Variants in WWOX observed in about 807,000 individuals in gnomAD.
WWOX encodes WW domain containing oxidoreductase, also known as WW domain-containing oxidoreductase.
WWOX carries 69 observed loss-of-function variants against 46.2 expected under a neutral mutation model. The observed-to-expected ratio is 1.49, with a 90% CI of 1.23 to 1.82. The LOEUF is 1.82. WWOX is among the 40% of genes most tolerant of loss of function. WWOX has a pLI of 0.00. For synonymous variants in WWOX, 359 were observed against 202.6 expected (o/e 1.77, Z -6.56); for missense variants, 919 against 542.6 (o/e 1.69, Z -6.89).
At chr16:78,965,793 T>A (rs1311554199) in intron 8 of WWOX, among the ~76,000 whole-genome samples, 1 of 152,226 alleles carries the variant, frequency 6.6e-6, no homozygotes, top group Non-Finnish European at 1.5e-5. Flanking sequence ...CTCAGTGATG[T>A]TATAATATCT....
intron 8 of WWOX, among the ~76,000 whole-genome samples, chr16:78,771,917 A>G (rs1042120587): frequency 1.3e-5 from 2 of 152,256 alleles, no homozygotes; most frequent in South Asian, 2.1e-4. Context: ...TTGTACTACA[A>G]TAAAAACCAT....
intron 8 of WWOX, among the ~76,000 whole-genome samples, chr16:78,582,519 G>A (rs191773091): frequency 1.2e-3 from 187 of 152,234 alleles, no homozygotes; most frequent in Non-Finnish European, 2.1e-3. Context: ...TAAAAATTCG[G>A]ATGCATTTTG....
intron 8 of WWOX, among the ~76,000 whole-genome samples, chr16:78,781,072 C>T (rs1261619486): frequency 6.6e-6 from 1 of 152,118 alleles, no homozygotes; most frequent in Non-Finnish European, 1.5e-5. Context: ...AAACAGAAGC[C>T]TCCTAATTAC....
chr16:79,085,775 G>C (rs964247181), intron 8 of WWOX, among the ~76,000 whole-genome samples: 1 of 152,162 alleles, frequency 6.6e-6, no homozygotes, highest in African/African-American at 2.4e-5. Flanking sequence ...GCCAGGCATA[G>C]TGGCTCACAC....
chr16:79,211,732 C>G lies in WWOX; in HGVS notation c.1181C>G (p.Ala394Gly). 6.2e-7 allele frequency: 1 copy of G among 1,614,218 alleles called. No homozygotes were observed. Among genetic ancestry groups the G allele is most frequent in the South Asian group, 1.1e-5 (1 of 91,084 alleles). Residue 394 changes from alanine (A) to glycine (G), a missense_variant, in exon 9 of 9, where the codon GCC (alanine) becomes GGC (glycine). Ala to Gly is a moderately conservative substitution (Grantham distance 60, BLOSUM62 0). Transcript: ENST00000566780. Reference sequence around the variant, plus strand: ...CCAGAAGCTCAGAGCGAAGAGACGGCCCGGACCCTGTGGGCGCTCAGCGAG... The same window carrying G: ...CCAGAAGCTCAGAGCGAAGAGACGGGCCGGACCCTGTGGGCGCTCAGCGAG... ...PSPEAQSEET[A>G]RTLWALSERL...
In WWOX at chr16:78,601,089, C is replaced by T. The variant is rs550518475; in HGVS notation, c.1056+168337C>T. ...AAATACCCTGATTTTATGTGTCAGG[C>T]CTTCAGGACTCAGGGTGTATAAGTG... is the stretch of plus-strand genomic sequence containing the variant. On this transcript the variant is annotated intron_variant, in intron 8 of 8. Coordinates refer to ENST00000566780, the MANE Select transcript of WWOX (RefSeq NM_016373.4). 3.9e-5 allele frequency among the ~76,000 whole-genome samples: 6 copies of T among 152,286 alleles called. No homozygotes were observed. In the South Asian group the frequency reaches 1.2e-3, roughly 32 times the overall value.
chr16:78,964,128 T>C (rs940238865), intron 8 of WWOX, among the ~76,000 whole-genome samples: 3 of 152,190 alleles, frequency 2.0e-5, no homozygotes, highest in African/African-American at 7.2e-5. Flanking sequence ...ATACAGTGAA[T>C]TGGTACCAGT....
chr16:78,573,163 G>A (rs150980974), intron 8 of WWOX, among the ~76,000 whole-genome samples: 6,177 of 152,196 alleles, frequency 0.041, 154 homozygotes, highest in African/African-American at 0.068. Context: ...CGGGGTGCCT[G>A]TAGTCCCAGC....
At chr16:78,476,881 A>G (rs905721537) in intron 8 of WWOX, among the ~76,000 whole-genome samples, 4 of 151,564 alleles carry the variant, frequency 2.6e-5, no homozygotes, top group African/African-American at 9.7e-5. Context: ...CTGATTTCCC[A>G]TCTTCTTCCT....
chr16:78,300,755 T>C (rs1258855163), intron 5 of WWOX, among the ~76,000 whole-genome samples: 1 of 152,190 alleles, frequency 6.6e-6, no homozygotes, highest in Non-Finnish European at 1.5e-5. Context: ...AATATTATGA[T>C]TGGAAACTAT....
intron 8 of WWOX, chr16:78,526,589 C>T (rs979099941): frequency 1.3e-5 from 2 of 152,210 alleles, no homozygotes; most frequent in Non-Finnish European, 2.9e-5. Context: ...ATTGGATCCT[C>T]TGCTCTAGGA....
chr16:79,064,851 A>G (rs780007800), intron 8 of WWOX, among the ~76,000 whole-genome samples: 11 of 152,196 alleles, frequency 7.2e-5, no homozygotes, highest in Non-Finnish European at 1.6e-4. Flanking sequence ...TGGCATTCTA[A>G]TGTTGTGTTG....
chr16:78,455,964 C>T (rs1267754122), intron 8 of WWOX, among the ~76,000 whole-genome samples: 2 of 152,188 alleles, frequency 1.3e-5, no homozygotes, highest in Non-Finnish European at 2.9e-5. Flanking sequence ...CATAGGCCGG[C>T]AGTGGCTATA....
intron 8 of WWOX, among the ~76,000 whole-genome samples, chr16:78,966,238 A>T (rs892136101): frequency 6.6e-6 from 1 of 152,224 alleles, no homozygotes; most frequent in African/African-American, 2.4e-5. Context: ...CTGGTTTAAG[A>T]GGCTATAGGT....
chr16:78,936,119 T>C (rs1188513528), intron 8 of WWOX, among the ~76,000 whole-genome samples: 1 of 151,900 alleles, frequency 6.6e-6, no homozygotes, highest in African/African-American at 2.4e-5. Context: ...GAGGTAATGA[T>C]GAGTTTTGGT....
At chr16:79,131,029 A>G (rs2049867246) in intron 8 of WWOX, among the ~76,000 whole-genome samples, 1 of 152,218 alleles carries the variant, frequency 6.6e-6, no homozygotes, top group African/African-American at 2.4e-5. Flanking sequence ...GTTATATCAC[A>G]ACCAGAACAC....
At chr16:79,151,403 G>C (rs1432486989) in intron 8 of WWOX, among the ~76,000 whole-genome samples, 1 of 152,192 alleles carries the variant, frequency 6.6e-6, no homozygotes, top group East Asian at 1.9e-4. Flanking sequence ...TGAAGAGTAT[G>C]TGCGCCTTCT....
chr16:79,178,346 T>G lies in WWOX; in HGVS notation c.1057-33262T>G, dbSNP rs551602277. On this transcript the variant is annotated intron_variant, in intron 8 of 8. Transcript: ENST00000566780. ...TAATATTATTGATTGAGATAGGGTC[T>G]CACTGTGTCACCCAGGCTGGAGTGC... Among the ~76,000 whole-genome samples, 18 of 152,310 alleles carry G rather than the reference T, an allele frequency of 1.2e-4. No individual in the cohort carries two copies. The East Asian group carries it at 2.5e-3, about 21-fold the overall frequency.
chr16:78,425,094 C>G (rs761440135), intron 7 of WWOX, 39 bp downstream of exon 7: 3 of 1,609,040 alleles, frequency 1.9e-6, no homozygotes, highest in Admixed American at 3.3e-5. Flanking sequence ...TATCCCCTTT[C>G]TCATACCAGC....
Sources: gnomAD v4.1 joint callset for allele counts (sites outside exome capture counted in the v4.1 genomes callset) on GRCh38, gnomAD v4.1.1 for gene constraint, MANE v1.5 for transcripts, NCBI Gene and HGNC (gene_info 2026-07-23, HGNC 2026-07-21) for gene names.